NF1: variants seen among roughly 807,000 people sequenced by gnomAD.
NF1 encodes neurofibromin.
A neutral mutation model predicts 325.7 loss-of-function variants in NF1; 122 were observed. The observed-to-expected ratio is 0.37, with a 90% confidence interval of 0.32 to 0.44. NF1 has a LOEUF of 0.44. Among genes scored for constraint, NF1 ranks in the 20% least tolerant of loss-of-function variants. The probability of loss-of-function intolerance (pLI) is 1.00; values close to 1 mark genes in which losing one functional copy is unlikely to be tolerated. For synonymous variants in NF1, 1,091 were observed against 1,186.0 expected, an observed-to-expected ratio of 0.92 and a Z score of 1.65; for missense variants, 2,140 against 3,415.4, an observed-to-expected ratio of 0.63 and a Z score of 9.31.
intron 36 of NF1, among the ~76,000 whole-genome samples, chr17:31,280,217 T>TA (rs201909323): frequency 6.2e-5 from 9 of 146,018 alleles, no homozygotes; most frequent in South Asian, 2.1e-4. Context: ...TTAATTTTTT[T>TA]TTTTTTTAAA....
At chr17:31,148,461 C>T (rs1297767312) in intron 1 of NF1, among the ~76,000 whole-genome samples, 1 of 149,230 alleles carries the variant, frequency 6.7e-6, no homozygotes, top group Non-Finnish European at 1.5e-5. Context: ...ATTCCTTTTA[C>T]TGGGAAATGG....
chr17:31,124,881 G>A (rs1248724002), intron 1 of NF1, among the ~76,000 whole-genome samples: 2 of 151,174 alleles, frequency 1.3e-5, no homozygotes, highest in Admixed American at 6.6e-5. Context: ...GATTATATGC[G>A]TGAGCCACCG....
intron 5 of NF1, among the ~76,000 whole-genome samples, chr17:31,176,422 G>C (rs1430128130): frequency 6.6e-6 from 1 of 152,020 alleles, no homozygotes; most frequent in African/African-American, 2.4e-5. Context: ...TTGTCAGATG[G>C]GTAGATTGCA....
At position 31,357,070 on chromosome 17, in the gene NF1, G is replaced by A. The variant is rs2151582498; in HGVS notation, c.7849G>A (p.Ala2617Thr). Residue 2617 changes from alanine to threonine, a missense_variant, in exon 53 of 58, where the codon GCG (alanine) becomes ACG (threonine). Physicochemically the swap from Ala to Thr is moderately conservative, Grantham distance 58. Transcript: ENST00000358273. ...AGTACTTACTGATCCGAAGATCCAG[G>A]CGCTGCTTCTTACTGTTCTAGTAAG... ...EEVLTDPKIQALLLTVLATLV... is the reference protein window; with the variant it reads ...EEVLTDPKIQTLLLTVLATLV... 1 of 1,613,660 alleles carries A rather than the reference G, an allele frequency of 6.2e-7. No homozygotes were observed. Among genetic ancestry groups the A allele is most frequent in the Non-Finnish European group, 8.5e-7 (1 of 1,179,948 alleles).
Position 31,193,632 on chromosome 17 carries a change from T to C in NF1, c.889-6790T>C, listed in dbSNP as rs142554738. On this transcript the variant is annotated intron_variant, in intron 8 of 57. Transcript: ENST00000358273. ...GTATGTATCCAGCAGAGGATTAATA[T>C]CCAGAATATACAAGGAACTCTGATA... Among the ~76,000 whole-genome samples the C allele has an allele frequency of 8.2e-3, 1,240 of 152,052 alleles. 13 individuals are homozygous for C. Among genetic ancestry groups the C allele is most frequent in the African/African-American group, 0.026 (1,095 of 41,464 alleles).
In NF1 at chr17:31,232,607, A is replaced by G. The variant is rs17881371; in HGVS notation, c.3315-93A>G. Reference sequence around the variant, plus strand: ...AGAAACAGTTAACCCAGGGCCATTCACACCATGCACATATGATTGTTTTGG... The same window carrying G: ...AGAAACAGTTAACCCAGGGCCATTCGCACCATGCACATATGATTGTTTTGG... On this transcript the variant is annotated intron_variant, in intron 25 of 57. Coordinates refer to ENST00000358273, the MANE Select transcript of NF1 (RefSeq NM_001042492.3). 297 of 1,228,386 alleles carry G rather than the reference A, an allele frequency of 2.4e-4. No homozygotes were observed. In the African/African-American group the frequency reaches 3.9e-3, roughly 16 times the overall value. The allele number at this position is 1,228,386 out of a possible 1,614,324, so 76.1% of individuals were successfully genotyped here. A position where few individuals can be genotyped will look rare whatever the true frequency, so the allele number is the denominator to read the frequency against.
At chr17:31,301,504 G>A (rs2068573147) in intron 36 of NF1, among the ~76,000 whole-genome samples, 1 of 152,088 alleles carries the variant, frequency 6.6e-6, no homozygotes, top group South Asian at 2.1e-4. Flanking sequence ...GTTCCCAAAG[G>A]TGCTACTTTA....
chr17:31,189,059 GAAAT>G (rs1054654631), intron 8 of NF1, among the ~76,000 whole-genome samples: 47 of 152,234 alleles, frequency 3.1e-4, no homozygotes, highest in African/African-American at 1.0e-3. Flanking sequence ...TGGAAAAATA[GAAAT>G]AAATAAATAA....
chr17:31,289,799 C>A (rs1020261883), intron 36 of NF1, among the ~76,000 whole-genome samples: 1 of 152,000 alleles, frequency 6.6e-6, no homozygotes, highest in Non-Finnish European at 1.5e-5. Context: ...TAACTGTAGA[C>A]AAAAGTTAAA....
At chr17:31,142,110 A>G (rs1447314285) in intron 1 of NF1, among the ~76,000 whole-genome samples, 1 of 152,208 alleles carries the variant, frequency 6.6e-6, no homozygotes, top group Admixed American at 6.5e-5. Flanking sequence ...CAAATTAACC[A>G]TTGTTCACAG....
chr17:31,214,393 T>C, intron 12 of NF1, 58 bp from the exon 13 acceptor site: 2 of 1,345,882 alleles, frequency 1.5e-6, no homozygotes, highest in East Asian at 2.3e-5. Flanking sequence ...TTTTAAAAGG[T>C]TGGATAGCTA....
chr17:31,109,106 A>G (rs1913170805), intron 1 of NF1, among the ~76,000 whole-genome samples: 1 of 152,246 alleles, frequency 6.6e-6, no homozygotes, highest in Non-Finnish European at 1.5e-5. Flanking sequence ...TTAAGTCCAT[A>G]GTATTAAAAT....
chr17:31,186,482 A>G (rs1311488818), intron 8 of NF1, among the ~76,000 whole-genome samples: 1 of 152,172 alleles, frequency 6.6e-6, no homozygotes, highest in East Asian at 1.9e-4. Flanking sequence ...AAATGGCCAG[A>G]TGTGCGATTA....
intron 36 of NF1, among the ~76,000 whole-genome samples, chr17:31,278,787 G>A (rs981062460): frequency 6.6e-6 from 1 of 151,596 alleles, no homozygotes; most frequent in Non-Finnish European, 1.5e-5. Context: ...GCTAATTTTC[G>A]TATTTTTAGT....
intron 36 of NF1, chr17:31,320,246 A>G (rs955361639): frequency 4.4e-6 from 3 of 683,006 alleles, no homozygotes; most frequent in African/African-American, 3.6e-5. Flanking sequence ...GCAAAACTAT[A>G]TTGTTCTCCT....
At chr17:31,253,047 A>C (rs780159314) in intron 31 of NF1, 47 bp downstream of exon 31, 2 of 1,483,284 alleles carry the variant, frequency 1.3e-6, no homozygotes, top group East Asian at 4.6e-5. Flanking sequence ...AAAGCAAAAC[A>C]AAAATCTTTT....
At chr17:31,168,539 C>T (rs1040336060) in intron 4 of NF1, among the ~76,000 whole-genome samples, 5 of 152,208 alleles carry the variant, frequency 3.3e-5, no homozygotes, top group Non-Finnish European at 5.9e-5. Flanking sequence ...CATTTCTTCA[C>T]CTTGCTCTCC....
intron 36 of NF1, among the ~76,000 whole-genome samples, chr17:31,310,644 T>A (rs2068847620): frequency 1.3e-5 from 2 of 152,160 alleles, no homozygotes; most frequent in Admixed American, 6.5e-5. Flanking sequence ...TCCCTTTTTT[T>A]TTCCCTGACA....
intron 29 of NF1, among the ~76,000 whole-genome samples, chr17:31,242,539 A>G (rs1340053753): frequency 1.3e-5 from 2 of 151,964 alleles, no homozygotes; most frequent in Non-Finnish European, 2.9e-5. Flanking sequence ...AAGCTTGCTA[A>G]TTCTTCTGCT....
Sources: allele counts gnomAD v4.1 joint callset (sites outside exome capture counted in the v4.1 genomes callset), GRCh38; gene constraint gnomAD v4.1.1; transcripts MANE v1.5; gene names NCBI Gene and HGNC (gene_info 2026-07-23, HGNC 2026-07-21).